YIF1B: variants seen among roughly 807,000 people sequenced by gnomAD.
YIF1B encodes Yip1 interacting factor homolog B, membrane trafficking protein, also known as protein YIF1B.
YIF1B carries 24 observed loss-of-function variants against 34.6 expected under a neutral mutation model. The ratio of observed to expected loss-of-function variants is 0.69; its 90% CI spans 0.50 to 0.98. The LOEUF is 0.98. YIF1B is among the 50% of genes least tolerant of loss of function. The pLI, the probability that YIF1B is intolerant of heterozygous loss-of-function variation, is 0.00. For synonymous variants in YIF1B, 186 were observed against 184.8 expected, an observed-to-expected ratio of 1.01 and a Z score of -0.05; for missense variants, 368 against 429.4, an observed-to-expected ratio of 0.86 and a Z score of 1.26.
chr19:38,314,851 G>C (rs927821449), intron 1 of YIF1B, among the ~76,000 whole-genome samples: 1 of 151,878 alleles, frequency 6.6e-6, no homozygotes, highest in Non-Finnish European at 1.5e-5. Flanking sequence ...GGCCCCAAGT[G>C]ATTCGCCCAC....
rs1278533796 is a variant in YIF1B, at chr19:38,304,270, C to T, written c.*1082G>A. ...CAACTTCTCTTACCGCCATGGAGTT[C>T]GACCTGGGAGCAGGTGAGCTCCTGG... On this transcript the variant is annotated 3_prime_UTR_variant, in exon 8 of 8. Coordinates refer to ENST00000339413, the MANE Select transcript of YIF1B (RefSeq NM_001039672.3). The T allele has an allele frequency of 6.2e-7, 1 of 1,613,730 alleles. No homozygotes were observed. Among genetic ancestry groups the T allele is most frequent in the Admixed American group, 1.7e-5 (1 of 60,012 alleles).
Position 38,305,180 on chromosome 19 carries a change from C to CT in YIF1B, c.*171dup, listed in dbSNP as rs1968947920. The CT allele has an allele frequency of 1.5e-6, 2 of 1,364,450 alleles. No homozygotes were observed. Among genetic ancestry groups the CT allele is most frequent in the South Asian group, 3.0e-5 (2 of 66,616 alleles). 84.5% of individuals were successfully genotyped at this position (1,364,450 alleles called of 1,614,324 possible). A position where few individuals can be genotyped will look rare whatever the true frequency, so the allele number is the denominator to read the frequency against. On this transcript the variant is annotated 3_prime_UTR_variant, in exon 8 of 8. Transcript: ENST00000339413. ...CGCCCTGGGGCGGTGGCCTGTGCAG[C>CT]TGGAGATCTCTCAGCACCTTGGGTT...
chr19:38,304,900 C>T lies in YIF1B; in HGVS notation c.*452G>A, dbSNP rs1351819884. The T allele has an allele frequency of 6.4e-7, 1 of 1,562,860 alleles. No individual in the cohort carries two copies. Among genetic ancestry groups the T allele is most frequent in the Non-Finnish European group, 8.7e-7 (1 of 1,145,692 alleles). The stretch of plus-strand genomic sequence containing the variant: ...AGCATCCCGGGCAAGGCCAAGAAGC[C>T]CAAAGTGAAGAAGAAGGAGAAGGGC... On this transcript the variant is annotated 3_prime_UTR_variant, in exon 8 of 8. Transcript: ENST00000339413.
upstream of YIF1B, chr19:38,317,372 A>T (rs1195624349): frequency 6.6e-6 from 1 of 152,004 alleles, no homozygotes; most frequent in African/African-American, 2.4e-5. Flanking sequence ...CTTTTTGGAG[A>T]CCTTAAGGGC....
rs1048835792 is a variant in YIF1B at position 38,315,682 on chromosome 19, T to C, written c.58+178A>G. 11 of 1,600,320 alleles carry C rather than the reference T, an allele frequency of 6.9e-6. No homozygotes were observed. The African/African-American group carries it at 1.5e-4, about 21-fold the overall frequency. On this transcript the variant is annotated intron_variant, in intron 1 of 7. Coordinates refer to ENST00000339413, the MANE Select transcript of YIF1B (RefSeq NM_001039672.3). Reference sequence around the variant, plus strand: ...CCCAAGTTGTTTTCTTCTAAAGGAATTTCCTAAAGAATCGCCCCCCAAGGG... The same window carrying C: ...CCCAAGTTGTTTTCTTCTAAAGGAACTTCCTAAAGAATCGCCCCCCAAGGG...
chr19:38,316,931 G>A (rs1344344941), upstream of YIF1B, among the ~76,000 whole-genome samples: 1 of 152,140 alleles, frequency 6.6e-6, no homozygotes, highest in East Asian at 1.9e-4. Context: ...AAAGCATTAG[G>A]ATTACAGACA....
Position 38,305,265 on chromosome 19 carries a change from C to T in YIF1B, c.*87G>A. ...GGTGCCTGTGGCCAGACAGGGTGGA[C>T]CTTGGGGCCTGCAGGCAGGAGATGA... On this transcript the variant is annotated 3_prime_UTR_variant, in exon 8 of 8. Coordinates refer to ENST00000339413, the MANE Select transcript of YIF1B (RefSeq NM_001039672.3). 1 of 1,522,264 alleles carries T rather than the reference C, an allele frequency of 6.6e-7. No individual in the cohort carries two copies. Among genetic ancestry groups the T allele is most frequent in the Non-Finnish European group, 8.8e-7 (1 of 1,134,024 alleles). The allele number at this position is 1,522,264 out of a possible 1,614,324, so 94.3% of individuals were successfully genotyped here. A position where few individuals can be genotyped will look rare whatever the true frequency, so the allele number is the denominator to read the frequency against.
rs74719810 is a variant in YIF1B, at chr19:38,307,623, C to T, written c.669G>A (p.Val223=). The change falls in exon 6 of 8, where the codon GTG becomes GTA. Residue 223 remains valine, a synonymous_variant. Transcript: ENST00000339413. ...CGACATATTTGTAGCCCAAGAAGGC[C>T]ACCAGGTCGATGGTGGTGAGGTCGG... ...VNTDLTTIDL[V]AFLGYKYVGM... The T allele has an allele frequency of 8.0e-4, 1,286 of 1,613,864 alleles. 24 individuals are homozygous for T. In the East Asian group the frequency reaches 0.026, roughly 33 times the overall value.
At chr19:38,318,118 A>G (rs948526735), upstream of YIF1B, among the ~76,000 whole-genome samples, 24 of 139,548 alleles carry the variant, frequency 1.7e-4, no homozygotes, top group African/African-American at 6.0e-4. Flanking sequence ...GCTTGAACCC[A>G]GGAGGCAGAG....
At chr19:38,321,154 A>C (rs1192903426), upstream of YIF1B, among the ~76,000 whole-genome samples, 2 of 151,944 alleles carry the variant, frequency 1.3e-5, no homozygotes, top group African/African-American at 4.8e-5. Context: ...GAGGACCCTA[A>C]ATCTCCAGAC....
intron 1 of YIF1B, chr19:38,315,568 C>T: frequency 1.4e-6 from 2 of 1,470,046 alleles, no homozygotes; most frequent in Admixed American, 2.3e-5. Context: ...TACTGGGGAG[C>T]CACGGAAGGG....
chr19:38,304,308 G>C lies in YIF1B; in HGVS notation c.*1044C>G. ...GGTGAGCTCCTGGGGAGTGTGGACTGGAGGTGCAGGGGGCCGGACTCAAGC... is the reference window on the plus strand; with the variant it reads ...GGTGAGCTCCTGGGGAGTGTGGACTCGAGGTGCAGGGGGCCGGACTCAAGC... On this transcript the variant is annotated 3_prime_UTR_variant, in exon 8 of 8. Transcript: ENST00000339413. 1 of 1,613,642 alleles carries C rather than the reference G, an allele frequency of 6.2e-7. No individual in the cohort carries two copies. The highest frequency in any genetic ancestry group is 8.5e-7 in the Non-Finnish European group (1 of 1,179,992).
In YIF1B at chr19:38,306,204, CAAAAA is replaced by C. The variant is rs1174694534; in HGVS notation, c.790-702_790-698del. Among the ~76,000 whole-genome samples the C allele has an allele frequency of 3.1e-4, 9 of 28,708 alleles. No individual in the cohort carries two copies. The Admixed American group carries it at 3.2e-3, about 10-fold the overall frequency. The allele number at this position is 28,708 out of a possible 152,430, so 18.8% of individuals were successfully genotyped here. A position where few individuals can be genotyped will look rare whatever the true frequency, so the allele number is the denominator to read the frequency against. ...CCCGACAGAGCGAGACTCTGTCTCA[CAAAAA>C]AAAAAAAAAAAAAAAAAAAAAAGTC... On this transcript the variant is annotated intron_variant, in intron 7 of 7. Transcript: ENST00000339413.
At chr19:38,317,561 G>GTT (rs764270669), upstream of YIF1B, among the ~76,000 whole-genome samples, 4 of 147,702 alleles carry the variant, frequency 2.7e-5, no homozygotes, top group East Asian at 2.0e-4. Flanking sequence ...TTCCATAAAT[G>GTT]TTTTTTTTTT....
At chr19:38,311,610 A>T (rs1377654929) in intron 1 of YIF1B, among the ~76,000 whole-genome samples, 1 of 152,200 alleles carries the variant, frequency 6.6e-6, no homozygotes, top group Non-Finnish European at 1.5e-5. Flanking sequence ...AAAGTTTTTA[A>T]AAGGTCCCTG....
upstream of YIF1B, among the ~76,000 whole-genome samples, chr19:38,318,966 TC>T (rs1382277690): frequency 6.6e-6 from 1 of 152,124 alleles, no homozygotes; most frequent in African/African-American, 2.4e-5. Flanking sequence ...ATGCTTCAGC[TC>T]AGCTAGCCCC....
Position 38,304,766 on chromosome 19 carries a change from G to A in YIF1B, c.*586C>T. 1 of 1,611,564 alleles carries A rather than the reference G, an allele frequency of 6.2e-7. No homozygotes were observed. Among genetic ancestry groups the A allele is most frequent in the Non-Finnish European group, 8.5e-7 (1 of 1,178,380 alleles). The stretch of plus-strand genomic sequence containing the variant: ...TCCCCGCACTGGGGCTGGCGGGGAG[G>A]GTGCGGGGAGTGGTCCCCCTGTCTC... On this transcript the variant is annotated 3_prime_UTR_variant, in exon 8 of 8. Coordinates refer to ENST00000339413, the MANE Select transcript of YIF1B (RefSeq NM_001039672.3).
At chr19:38,315,338 A>T in intron 1 of YIF1B, 2 of 1,066,294 alleles carry the variant, frequency 1.9e-6, no homozygotes, top group Non-Finnish European at 2.3e-6. Context: ...GGGCTCCCAC[A>T]ACATCTCCAT....
intron 7 of YIF1B, among the ~76,000 whole-genome samples, chr19:38,306,394 A>T (rs1429346503): frequency 6.6e-6 from 1 of 151,530 alleles, no homozygotes; most frequent in Non-Finnish European, 1.5e-5. Flanking sequence ...ATATTTTTTT[A>T]GAGATGGGGT....
Sources: gnomAD v4.1 joint callset for allele counts (sites outside exome capture counted in the v4.1 genomes callset) on GRCh38, gnomAD v4.1.1 for gene constraint, MANE v1.5 for transcripts, NCBI Gene and HGNC (gene_info 2026-07-23, HGNC 2026-07-21) for gene names.